The following ARNT2 variants were observed in gnomAD, a reference collection of about 807,000 sequenced individuals.
ARNT2 encodes aryl hydrocarbon receptor nuclear translocator 2.
Under a neutral mutation model 91.7 loss-of-function variants are expected in ARNT2, and 36 were observed. The observed-to-expected ratio is 0.39, with a 90% CI of 0.30 to 0.52. ARNT2 has a LOEUF of 0.52. Ranked by LOEUF, ARNT2 falls within the 20% of genes least tolerant of loss-of-function variation. ARNT2 has a pLI of 0.72. For synonymous variants in ARNT2, 365 were observed against 347.1 expected, an observed-to-expected ratio of 1.05 and a Z score of -0.57; for missense variants, 775 against 939.3, an observed-to-expected ratio of 0.83 and a Z score of 2.29.
chr15:80,461,190 A>G lies in ARNT2; in HGVS notation c.194+3214A>G, dbSNP rs564405734. Reference sequence around the variant, plus strand: ...CCCCATTTGAGATTGTGGACCACCAATGTGAGGTGGCATCAATGTGTATAA... The same window carrying G: ...CCCCATTTGAGATTGTGGACCACCAGTGTGAGGTGGCATCAATGTGTATAA... On this transcript the variant is annotated intron_variant, in intron 3 of 18. Coordinates refer to ENST00000303329, the MANE Select transcript of ARNT2 (RefSeq NM_014862.4). Among the ~76,000 whole-genome samples the G allele has an allele frequency of 4.6e-5, 7 of 152,346 alleles. No individual in the cohort carries two copies. In the South Asian group the frequency reaches 6.2e-4, roughly 14 times the overall value.
intron 5 of ARNT2, among the ~76,000 whole-genome samples, chr15:80,490,823 C>T (rs1897046368): frequency 6.6e-6 from 1 of 152,250 alleles, no homozygotes; most frequent in Non-Finnish European, 1.5e-5. Context: ...AAACTGTGGT[C>T]ACCATGCATC....
intron 8 of ARNT2, among the ~76,000 whole-genome samples, chr15:80,518,274 A>ATGCTTT (rs1897474970): frequency 1.2e-5 from 1 of 83,116 alleles, no homozygotes; most frequent in East Asian, 3.6e-4. Context: ...TTCTTTTTCT[A>ATGCTTT]TTCTTTTTTT....
At chr15:80,508,544 T>G (rs1429888339) in intron 6 of ARNT2, among the ~76,000 whole-genome samples, 1 of 152,210 alleles carries the variant, frequency 6.6e-6, no homozygotes, top group Non-Finnish European at 1.5e-5. Flanking sequence ...TACCCATCTT[T>G]AAGACCCTTC....
At position 80,595,331 on chromosome 15, in the gene ARNT2, C is replaced by T. The variant is rs1022419226; in HGVS notation, c.*1633C>T. On this transcript the variant is annotated 3_prime_UTR_variant, in exon 19 of 19. Coordinates refer to ENST00000303329, the MANE Select transcript of ARNT2 (RefSeq NM_014862.4). ...CCTCCCAGAGTCCTTCAGGTAGGCC[C>T]TCGCAGATGCTGCTTGCTCAGAAAC... 3 of 152,268 alleles carry T rather than the reference C, an allele frequency of 2.0e-5. No individual in the cohort carries two copies. Among genetic ancestry groups the T allele is most frequent in the Admixed American group, 1.3e-4 (2 of 15,284 alleles). The allele number at this position is 152,268 out of a possible 1,614,324, so 9.4% of individuals were successfully genotyped here. A position where few individuals can be genotyped will look rare whatever the true frequency, so the allele number is the denominator to read the frequency against.
intron 8 of ARNT2, among the ~76,000 whole-genome samples, chr15:80,542,037 C>T (rs1897915857): frequency 6.6e-6 from 1 of 152,184 alleles, no homozygotes; most frequent in Non-Finnish European, 1.5e-5. Flanking sequence ...ACATCCCTTC[C>T]ACAGGGAAGC....
intron 5 of ARNT2, among the ~76,000 whole-genome samples, chr15:80,502,409 G>A (rs1897212831): frequency 6.6e-6 from 1 of 152,206 alleles, no homozygotes; most frequent in African/African-American, 2.4e-5. Flanking sequence ...GTGATAGCAG[G>A]TCTTGGGGTA....
intron 5 of ARNT2, among the ~76,000 whole-genome samples, chr15:80,477,403 C>T (rs1426661917): frequency 6.6e-6 from 1 of 152,174 alleles, no homozygotes. Context: ...TATAACAGTA[C>T]CTAATCACCT....
chr15:80,406,481 T>C (rs1271042768), intron 1 of ARNT2, among the ~76,000 whole-genome samples: 1 of 152,214 alleles, frequency 6.6e-6, no homozygotes, highest in East Asian at 1.9e-4. Context: ...TAGTCCAATA[T>C]ACACTGGGAA....
intron 3 of ARNT2, among the ~76,000 whole-genome samples, chr15:80,467,688 G>A (rs948317983): frequency 2.6e-5 from 4 of 152,208 alleles, no homozygotes; most frequent in African/African-American, 9.6e-5. Context: ...CTCAGCCAAC[G>A]GTCTCTGTGT....
intron 5 of ARNT2, among the ~76,000 whole-genome samples, chr15:80,478,982 G>A (rs1896846962): frequency 1.3e-5 from 2 of 152,200 alleles, no homozygotes; most frequent in African/African-American, 4.8e-5. Flanking sequence ...GTGTTGAGGC[G>A]AGGCAGGGAG....
chr15:80,482,505 A>C (rs1264695789), intron 5 of ARNT2, among the ~76,000 whole-genome samples: 3 of 152,188 alleles, frequency 2.0e-5, no homozygotes, highest in African/African-American at 7.2e-5. Flanking sequence ...CACACACCTG[A>C]GGCCAAACAG....
At chr15:80,468,199 C>T (rs1006507487) in intron 3 of ARNT2, among the ~76,000 whole-genome samples, 21 of 152,070 alleles carry the variant, frequency 1.4e-4, no homozygotes, top group Non-Finnish European at 4.4e-5. Context: ...GGGTTGGCTG[C>T]AGAGTTATCC....
At chr15:80,456,598 A>C (rs1896485097) in intron 2 of ARNT2, among the ~76,000 whole-genome samples, 1 of 152,196 alleles carries the variant, frequency 6.6e-6, no homozygotes, top group Non-Finnish European at 1.5e-5. Context: ...GTTTGCACCT[A>C]AACCCCTAGA....
intron 1 of ARNT2, among the ~76,000 whole-genome samples, chr15:80,421,982 GAATT>G (rs1895867094): frequency 6.6e-6 from 1 of 152,168 alleles, no homozygotes; most frequent in South Asian, 2.1e-4. Flanking sequence ...GATGAATAGA[GAATT>G]AATGACTTAG....
intron 5 of ARNT2, among the ~76,000 whole-genome samples, chr15:80,480,504 C>T (rs926868741): frequency 1.3e-5 from 2 of 152,116 alleles, no homozygotes; most frequent in South Asian, 2.1e-4. Context: ...GGGTGGGGAC[C>T]GCCTGGCTGT....
rs1893347232 is a variant in ARNT2 at position 80,594,833 on chromosome 15, C to G, written c.*1135C>G. The G allele has an allele frequency of 6.6e-6, 1 of 152,308 alleles. No homozygotes were observed. Among genetic ancestry groups the G allele is most frequent in the South Asian group, 2.1e-4 (1 of 4,836 alleles). The allele number at this position is 152,308 out of a possible 1,614,324, so 9.4% of individuals were successfully genotyped here. On this transcript the variant is annotated 3_prime_UTR_variant, in exon 19 of 19. Coordinates refer to ENST00000303329, the MANE Select transcript of ARNT2 (RefSeq NM_014862.4). ...ATGGGCACCATGAAACACTTTCTTCCAGGCCACCTGAGCCTTCGTTCTTCA... is the reference window on the plus strand; with the variant it reads ...ATGGGCACCATGAAACACTTTCTTCGAGGCCACCTGAGCCTTCGTTCTTCA...
intron 15 of ARNT2, 95 bp from the exon 16 acceptor site, chr15:80,580,316 A>T (rs1898767919): frequency 6.8e-7 from 1 of 1,471,256 alleles, no homozygotes; most frequent in African/African-American, 1.4e-5. Context: ...GAGAGCCAGG[A>T]AGATGGCCCA....
intron 1 of ARNT2, among the ~76,000 whole-genome samples, chr15:80,405,469 A>T (rs2141548413): frequency 6.6e-6 from 1 of 152,134 alleles, no homozygotes; most frequent in South Asian, 2.1e-4. Flanking sequence ...CAGCAGAGGG[A>T]GGTCATGTGT....
At chr15:80,436,353 G>A (rs1460550537) in intron 1 of ARNT2, 4 of 154,450 alleles carry the variant, frequency 2.6e-5, no homozygotes, top group African/African-American at 9.6e-5. Flanking sequence ...CAAATGAATA[G>A]ACACTGCTTC....
Sources: gnomAD v4.1 joint callset for allele counts (sites outside exome capture counted in the v4.1 genomes callset) on GRCh38, gnomAD v4.1.1 for gene constraint, MANE v1.5 for transcripts, NCBI Gene and HGNC (gene_info 2026-07-23, HGNC 2026-07-21) for gene names.